Variants in TSC22D2 observed in about 807,000 individuals in gnomAD.
TSC22D2 encodes the protein TSC22 domain family protein 2.
Under a neutral mutation model 50.1 loss-of-function variants are expected in TSC22D2, and 5 were observed. The ratio of observed to expected loss-of-function variants is 0.10; its 90% CI spans 0.05 to 0.21. The LOEUF (loss-of-function observed/expected upper bound fraction) is 0.21, where lower values mean the gene tolerates loss of function less well. Among genes scored for constraint, TSC22D2 ranks in the 10% least tolerant of loss-of-function variants. The pLI, the probability that TSC22D2 is intolerant of heterozygous loss-of-function variation, is 1.00. For missense variants in TSC22D2, 1,003 were observed against 1,015.5 expected (o/e 0.99, Z 0.17); for synonymous variants, 501 against 450.1 (o/e 1.11, Z -1.43).
chr3:150,434,145 G>GT (rs1391206035), intron 1 of TSC22D2, among the ~76,000 whole-genome samples: 11 of 125,554 alleles, frequency 8.8e-5, no homozygotes, highest in African/African-American at 2.3e-4. Flanking sequence ...AAATAGGAGG[G>GT]TTTTTTGTTT....
Position 150,433,738 on chromosome 3 carries a change from G to A in TSC22D2, c.1958+22430G>A, listed in dbSNP as rs115110455. On this transcript the variant is annotated intron_variant, in intron 1 of 2. Coordinates refer to ENST00000688009, the MANE Select transcript of TSC22D2 (RefSeq NM_001303264.2). ...CTACTTTTGTTTCAAGAAATAAGAG[G>A]TATCAACTCTTCAAAAAGCATAATA... Among the ~76,000 whole-genome samples the A allele has an allele frequency of 4.9e-3, 740 of 152,276 alleles. 7 individuals carry two copies. The highest frequency in any genetic ancestry group is 0.017 in the African/African-American group (693 of 41,550).
At chr3:150,425,745 A>G (rs1047147494) in intron 1 of TSC22D2, among the ~76,000 whole-genome samples, 3 of 152,184 alleles carry the variant, frequency 2.0e-5, no homozygotes, top group African/African-American at 7.2e-5. Flanking sequence ...GATTTTGTCT[A>G]ACTAGAAAGA....
intron 1 of TSC22D2, among the ~76,000 whole-genome samples, chr3:150,433,605 C>T (rs561384944): frequency 1.3e-5 from 2 of 152,116 alleles, no homozygotes; most frequent in African/African-American, 2.4e-5. Flanking sequence ...TGATGCTAAC[C>T]GTTGGTCTTC....
In TSC22D2 at chr3:150,462,140, G is replaced by A. The variant is rs1721435026; in HGVS notation, c.*3504G>A. On this transcript the variant is annotated 3_prime_UTR_variant, in exon 3 of 3. Coordinates refer to ENST00000688009, the MANE Select transcript of TSC22D2 (RefSeq NM_001303264.2). ...TGTACAGTCAGGGATGGTTTTGTCA[G>A]GGTAGGTTTCCTCAAAAACATGACA... is the stretch of plus-strand genomic sequence containing the variant. The A allele has an allele frequency of 6.6e-6, 1 of 152,162 alleles. No individual in the cohort carries two copies. Among genetic ancestry groups the A allele is most frequent in the African/African-American group, 2.4e-5 (1 of 41,436 alleles). The allele number at this position is 152,162 out of a possible 1,614,324, so 9.4% of individuals were successfully genotyped here.
chr3:150,417,400 A>C (rs1359342029), intron 1 of TSC22D2, among the ~76,000 whole-genome samples: 1 of 152,130 alleles, frequency 6.6e-6, no homozygotes, highest in Non-Finnish European at 1.5e-5. Context: ...TTTGCTTGGC[A>C]TACCGTCTAC....
chr3:150,432,146 T>C (rs1482888131), intron 1 of TSC22D2, among the ~76,000 whole-genome samples: 1 of 152,204 alleles, frequency 6.6e-6, no homozygotes, highest in African/African-American at 2.4e-5. Context: ...CACTAAACAT[T>C]CTGACATCTG....
At position 150,460,767 on chromosome 3, in the gene TSC22D2, G is replaced by T. The variant is rs1274464564; in HGVS notation, c.*2131G>T. ...CTGTGACATGTGATATTTAATACAG[G>T]TGGAGAAAAACTAGTCTTAGAAATG... On this transcript the variant is annotated 3_prime_UTR_variant, in exon 3 of 3. Transcript: ENST00000688009. The T allele has an allele frequency of 8.0e-6, 1 of 125,496 alleles. No individual in the cohort carries two copies. The highest frequency in any genetic ancestry group is 1.8e-5 in the Non-Finnish European group (1 of 54,382). 7.8% of individuals were successfully genotyped at this position (125,496 alleles called of 1,614,324 possible).
At chr3:150,419,933 T>C (rs570079625) in intron 1 of TSC22D2, among the ~76,000 whole-genome samples, 3 of 152,326 alleles carry the variant, frequency 2.0e-5, no homozygotes, top group Admixed American at 2.0e-4. Context: ...TATATTAATA[T>C]CAAATAAACT....
In TSC22D2 at chr3:150,457,135, A is replaced by C; in HGVS notation, c.2010+8A>C. ...AAAATAGAACAAGCAATGGTAAGTA[A>C]AAGTTTACAGTTCTCCCATTTCATA... On this transcript the variant is annotated splice_region_variant and intron_variant, in intron 2 of 2. Transcript: ENST00000688009. 1 of 1,610,588 alleles carries C rather than the reference A, an allele frequency of 6.2e-7. No homozygotes were observed.
In TSC22D2 at chr3:150,459,998, T is replaced by A. The variant is rs527872024; in HGVS notation, c.*1362T>A. The A allele has an allele frequency of 8.5e-5, 13 of 152,270 alleles. No individual in the cohort carries two copies. In the East Asian group the frequency reaches 2.5e-3, roughly 29 times the overall value. The allele number at this position is 152,270 out of a possible 1,614,324, so 9.4% of individuals were successfully genotyped here. On this transcript the variant is annotated 3_prime_UTR_variant, in exon 3 of 3. Transcript: ENST00000688009. ...TATTTAAATTAAAATGTACATTTCA[T>A]AAATACAGTTTCAAAAGAAAGCATC...
chr3:150,427,663 A>G (rs1343907515), intron 1 of TSC22D2, among the ~76,000 whole-genome samples: 2 of 152,022 alleles, frequency 1.3e-5, no homozygotes, highest in Admixed American at 1.3e-4. Context: ...TTATCTGATT[A>G]TATTTCAACC....
At chr3:150,423,827 A>G (rs1720089072) in intron 1 of TSC22D2, among the ~76,000 whole-genome samples, 2 of 152,198 alleles carry the variant, frequency 1.3e-5, no homozygotes, top group South Asian at 4.1e-4. Context: ...TTAGCATTCC[A>G]TCACTTTGTG....
chr3:150,443,961 G>A (rs1437408204), intron 1 of TSC22D2, among the ~76,000 whole-genome samples: 7 of 152,108 alleles, frequency 4.6e-5, no homozygotes. Flanking sequence ...TCAGTATATG[G>A]AGTTACCAAG....
chr3:150,418,289 G>A (rs1423997530), intron 1 of TSC22D2, among the ~76,000 whole-genome samples: 1 of 151,832 alleles, frequency 6.6e-6, no homozygotes, highest in African/African-American at 2.4e-5. Flanking sequence ...ATGATCAGAT[G>A]TATACTTTGA....
At chr3:150,456,846 G>C (rs1170314271) in intron 1 of TSC22D2, 8 of 488,950 alleles carry the variant, frequency 1.6e-5, no homozygotes, top group Non-Finnish European at 2.9e-5. Context: ...TGTATTACAG[G>C]CAAATTAGAA....
chr3:150,416,514 ACTG>A lies in TSC22D2; in HGVS notation c.1958+5207_1958+5209del, dbSNP rs547521477. ...ACCAGTGGGCTTGTGATTTGAGGCT[ACTG>A]TTTTCGATGGTATTGTATTGAGTCC... is the stretch of plus-strand genomic sequence containing the variant. On this transcript the variant is annotated intron_variant, in intron 1 of 2. Transcript: ENST00000688009. Among the ~76,000 whole-genome samples, 41 of 152,252 alleles carry A rather than the reference ACTG, an allele frequency of 2.7e-4. No homozygotes were observed. The South Asian group carries it at 8.1e-3, about 30-fold the overall frequency.
chr3:150,431,224 CAAA>C (rs71138443), intron 1 of TSC22D2, among the ~76,000 whole-genome samples: 13 of 27,962 alleles, frequency 4.6e-4, no homozygotes, highest in Admixed American at 1.1e-3. Context: ...GGCTCTGTCT[CAAA>C]AAAAAAAAAA....
chr3:150,455,476 A>T (rs1264733683), intron 1 of TSC22D2, among the ~76,000 whole-genome samples: 1 of 152,358 alleles, frequency 6.6e-6, no homozygotes, highest in South Asian at 2.1e-4. Context: ...GCTGTAATTA[A>T]TGTGGTTAAT....
At chr3:150,445,265 A>T (rs1429838003) in intron 1 of TSC22D2, among the ~76,000 whole-genome samples, 1 of 151,164 alleles carries the variant, frequency 6.6e-6, no homozygotes, top group African/African-American at 2.4e-5. Context: ...CTGAGCAGAG[A>T]TCGCGCCATT....
Sources: gnomAD v4.1 joint callset for allele counts (sites outside exome capture counted in the v4.1 genomes callset) on GRCh38, gnomAD v4.1.1 for gene constraint, MANE v1.5 for transcripts, NCBI Gene and HGNC (gene_info 2026-07-23, HGNC 2026-07-21) for gene names.